Variants in KLHL1 observed in about 807,000 individuals in gnomAD.
KLHL1 encodes kelch-like protein 1.
Under a neutral mutation model 77.7 loss-of-function variants are expected in KLHL1, and 47 were observed. The ratio of observed to expected loss-of-function variants is 0.60; its 90% CI spans 0.48 to 0.77. The LOEUF (loss-of-function observed/expected upper bound fraction) is 0.77. Among genes scored for constraint, KLHL1 ranks in the 30% least tolerant of loss-of-function variants. The pLI is 0.00. For synonymous variants in KLHL1, 360 were observed against 325.2 expected, an observed-to-expected ratio of 1.11 and a Z score of -1.15; for missense variants, 925 against 910.8, an observed-to-expected ratio of 1.02 and a Z score of -0.20.
chr13:69,721,678 T>C (rs1216736409), intron 8 of KLHL1, among the ~76,000 whole-genome samples: 4 of 152,106 alleles, frequency 2.6e-5, no homozygotes, highest in Non-Finnish European at 4.4e-5. Flanking sequence ...AAATGTGATA[T>C]GTAAAATTAT....
At chr13:70,062,784 A>G (rs553880961) in intron 1 of KLHL1, among the ~76,000 whole-genome samples, 1 of 152,096 alleles carries the variant, frequency 6.6e-6, no homozygotes, top group Non-Finnish European at 1.5e-5. Flanking sequence ...AGTTTCAATA[A>G]TTTCATTCCA....
chr13:70,000,598 C>A (rs1885264355), intron 1 of KLHL1, among the ~76,000 whole-genome samples: 1 of 151,754 alleles, frequency 6.6e-6, no homozygotes, highest in Admixed American at 6.6e-5. Flanking sequence ...ACATGAAATA[C>A]ATTCTCTGAC....
intron 1 of KLHL1, among the ~76,000 whole-genome samples, chr13:70,081,413 G>A (rs1219856932): frequency 6.6e-6 from 1 of 152,108 alleles, no homozygotes; most frequent in Non-Finnish European, 1.5e-5. Context: ...TCATCTATAG[G>A]CTCAATTGGA....
chr13:69,926,985 C>T (rs1207135699), intron 4 of KLHL1, among the ~76,000 whole-genome samples: 1 of 129,990 alleles, frequency 7.7e-6, no homozygotes, highest in African/African-American at 2.8e-5. Flanking sequence ...AGAATTCACA[C>T]TTCCCAATTT....
chr13:70,095,749 C>T (rs1474489536), intron 1 of KLHL1, among the ~76,000 whole-genome samples: 1 of 151,932 alleles, frequency 6.6e-6, no homozygotes, highest in Non-Finnish European at 1.5e-5. Context: ...TATAGTCATC[C>T]CATTGTGCTA....
chr13:69,778,237 C>G (rs1309573776), intron 7 of KLHL1, among the ~76,000 whole-genome samples: 1 of 152,002 alleles, frequency 6.6e-6, no homozygotes, highest in Non-Finnish European at 1.5e-5. Flanking sequence ...GTTATATAAT[C>G]TACGATGTCC....
chr13:70,086,738 T>A (rs750733670), intron 1 of KLHL1, among the ~76,000 whole-genome samples: 2 of 151,402 alleles, frequency 1.3e-5, no homozygotes, highest in Non-Finnish European at 2.9e-5. Flanking sequence ...TTACCTCTTA[T>A]ATGTAGTGCC....
chr13:69,796,842 C>T lies in KLHL1; in HGVS notation c.1535G>A (p.Gly512Glu), dbSNP rs1877127769. The T allele has an allele frequency of 6.2e-7, 1 of 1,614,052 alleles. No individual in the cohort carries two copies. The highest frequency in any genetic ancestry group is 8.5e-7 in the Non-Finnish European group (1 of 1,180,034). Residue 512 changes from glycine to glutamate, a missense_variant, in exon 7 of 11, where the codon GGA (glycine) becomes GAA (glutamate). Coordinates refer to ENST00000377844, the MANE Select transcript of KLHL1 (RefSeq NM_020866.3). ...AVIDDKLFVI[G>E]GRDGLKTLNT... ...CAATGTCTTTAAGCCATCTCGACCTCCAATTACAAAGAGTTTGTCATCAAT... is the reference window on the plus strand; with the variant it reads ...CAATGTCTTTAAGCCATCTCGACCTTCAATTACAAAGAGTTTGTCATCAAT...
At chr13:69,923,881 C>T (rs912513179) in intron 4 of KLHL1, among the ~76,000 whole-genome samples, 7 of 152,294 alleles carry the variant, frequency 4.6e-5, no homozygotes, top group Non-Finnish European at 1.0e-4. Flanking sequence ...TGGGCCCAGG[C>T]ATCTCTGCAC....
chr13:70,063,819 C>T (rs1490506692), intron 1 of KLHL1, among the ~76,000 whole-genome samples: 2 of 151,954 alleles, frequency 1.3e-5, no homozygotes, highest in African/African-American at 4.8e-5. Context: ...TGTATTTGAA[C>T]CATGCTGCTT....
chr13:69,827,729 C>CAAAAA (rs58504097), intron 6 of KLHL1, among the ~76,000 whole-genome samples: 5 of 73,024 alleles, frequency 6.8e-5, no homozygotes, highest in African/African-American at 2.2e-4. Context: ...GACCCTGTCT[C>CAAAAA]AAAAAAAAAA....
chr13:70,008,618 G>A (rs1194583018), intron 1 of KLHL1, among the ~76,000 whole-genome samples: 2 of 151,904 alleles, frequency 1.3e-5, no homozygotes, highest in Non-Finnish European at 2.9e-5. Flanking sequence ...ATCCATAATA[G>A]TGTGGTTTTC....
chr13:70,100,394 G>A (rs1386495222), intron 1 of KLHL1, among the ~76,000 whole-genome samples: 1 of 151,956 alleles, frequency 6.6e-6, no homozygotes, highest in Non-Finnish European at 1.5e-5. Context: ...TGCTAAGCTT[G>A]CTACATTTTT....
chr13:69,723,082 A>T lies in KLHL1; in HGVS notation c.1803-3501T>A, dbSNP rs145610116. ...CAAAATAAGCCAGGCACAGAAAGAC[A>T]AATACCACATTATCTCACTCACATG... On this transcript the variant is annotated intron_variant, in intron 8 of 10. Coordinates refer to ENST00000377844, the MANE Select transcript of KLHL1 (RefSeq NM_020866.3). Among the ~76,000 whole-genome samples the T allele has an allele frequency of 3.2e-3, 482 of 152,206 alleles. 5 individuals are homozygous for T. Among genetic ancestry groups the T allele is most frequent in the African/African-American group, 0.011 (458 of 41,556 alleles).
chr13:69,781,932 A>C (rs9572276), intron 7 of KLHL1, among the ~76,000 whole-genome samples: 38,055 of 151,886 alleles, frequency 0.25, 4,848 homozygotes, highest in South Asian at 0.34. Flanking sequence ...TTGCTTTTAA[A>C]GAGATGACAT....
At chr13:69,908,628 A>G (rs1432123185) in intron 4 of KLHL1, among the ~76,000 whole-genome samples, 1 of 151,488 alleles carries the variant, frequency 6.6e-6, no homozygotes, top group East Asian at 1.9e-4. Context: ...ATTATTGCAT[A>G]TGTTTTCAAA....
rs532873262 is a variant in KLHL1 at position 69,995,495 on chromosome 13, C to G, written c.498-19693G>C. ...CCAAGTTATTTTATTTAAATTAGTTCAGAAATTCAGAAGCTTCACTGATTA... is the reference window on the plus strand; with the variant it reads ...CCAAGTTATTTTATTTAAATTAGTTGAGAAATTCAGAAGCTTCACTGATTA... On this transcript the variant is annotated intron_variant, in intron 1 of 10. Transcript: ENST00000377844. 3.9e-5 allele frequency among the ~76,000 whole-genome samples: 6 copies of G among 152,120 alleles called. No homozygotes were observed. In the South Asian group the frequency reaches 1.0e-3, roughly 26 times the overall value.
At chr13:69,907,538 C>T (rs1050596256) in intron 4 of KLHL1, among the ~76,000 whole-genome samples, 3 of 151,744 alleles carry the variant, frequency 2.0e-5, no homozygotes, top group East Asian at 1.9e-4. Context: ...ATAAATACTT[C>T]GCTAGATATT....
chr13:69,775,822 C>T (rs780382631), intron 7 of KLHL1, among the ~76,000 whole-genome samples: 4 of 151,814 alleles, frequency 2.6e-5, no homozygotes, highest in Non-Finnish European at 5.9e-5. Context: ...CGGAAAGGGG[C>T]TCTCCCAATT....
Sources: allele counts gnomAD v4.1 joint callset (sites outside exome capture counted in the v4.1 genomes callset), GRCh38; gene constraint gnomAD v4.1.1; transcripts MANE v1.5; gene names NCBI Gene and HGNC (gene_info 2026-07-23, HGNC 2026-07-21).